Variants in MAD1L1 observed in about 807,000 individuals in gnomAD.
MAD1L1 encodes mitotic arrest deficient 1 like 1, also known as mitotic spindle assembly checkpoint protein MAD1.
A neutral mutation model predicts 96.9 loss-of-function variants in MAD1L1; 95 were observed. That is an observed-to-expected ratio of 0.98 (90% CI 0.83 to 1.16). The LOEUF is 1.16. Ranked by LOEUF, MAD1L1 falls within the 50% of genes most tolerant of loss-of-function variation. The probability of loss-of-function intolerance (pLI) is 0.00; values close to 1 mark genes in which losing one functional copy is unlikely to be tolerated. For synonymous variants in MAD1L1, 473 were observed against 396.6 expected (o/e 1.19, Z -2.29); for missense variants, 1,007 against 954.4 (o/e 1.06, Z -0.73).
At chr7:1,949,035 T>C (rs1779361897) in intron 16 of MAD1L1, among the ~76,000 whole-genome samples, 2 of 152,170 alleles carry the variant, frequency 1.3e-5, no homozygotes, top group Non-Finnish European at 2.9e-5. Context: ...CAGGACGCCA[T>C]GTGGGGCTTC....
chr7:1,997,441 C>A (rs1000200849), intron 14 of MAD1L1, among the ~76,000 whole-genome samples: 8 of 152,250 alleles, frequency 5.3e-5, no homozygotes, highest in Non-Finnish European at 1.2e-4. Flanking sequence ...CCAGACAGCA[C>A]CCACTGCCGA....
chr7:2,228,268 A>G (rs1794010823), intron 3 of MAD1L1, among the ~76,000 whole-genome samples: 1 of 152,008 alleles, frequency 6.6e-6, no homozygotes, highest in Non-Finnish European at 1.5e-5. Flanking sequence ...CACTAAAATC[A>G]CAGCATTTCA....
intron 4 of MAD1L1, among the ~76,000 whole-genome samples, chr7:2,224,463 C>A (rs1414143668): frequency 6.6e-6 from 1 of 152,210 alleles, no homozygotes; most frequent in African/African-American, 2.4e-5. Context: ...CCCAGCGGTG[C>A]CTCAGTCTCA....
chr7:2,047,873 ACAG>A (rs1205826226), intron 12 of MAD1L1, among the ~76,000 whole-genome samples: 1 of 152,112 alleles, frequency 6.6e-6, no homozygotes. Context: ...TCACGTGCAC[ACAG>A]CTCACCAGTA....
At chr7:1,974,103 A>G (rs781148134) in intron 15 of MAD1L1, among the ~76,000 whole-genome samples, 2 of 152,212 alleles carry the variant, frequency 1.3e-5, no homozygotes, top group Admixed American at 6.5e-5. Context: ...TAAGGCACGG[A>G]CAGGGTGCCC....
chr7:2,158,566 G>C (rs907675473), intron 10 of MAD1L1, among the ~76,000 whole-genome samples: 1 of 152,330 alleles, frequency 6.6e-6, no homozygotes, highest in South Asian at 2.1e-4. Flanking sequence ...TTTGCGAAAA[G>C]TATGCAGAAA....
intron 12 of MAD1L1, among the ~76,000 whole-genome samples, chr7:2,066,155 C>G (rs754213189): frequency 6.6e-6 from 1 of 152,252 alleles, no homozygotes; most frequent in Non-Finnish European, 1.5e-5. Flanking sequence ...ACTAAAATGT[C>G]AAGCACACAA....
At chr7:2,126,297 C>T (rs1411348561) in intron 11 of MAD1L1, among the ~76,000 whole-genome samples, 1 of 152,232 alleles carries the variant, frequency 6.6e-6, no homozygotes, top group Non-Finnish European at 1.5e-5. Context: ...AGGTTGAAGA[C>T]TCCACCTAGA....
chr7:2,101,008 G>T (rs1195575767), intron 11 of MAD1L1, among the ~76,000 whole-genome samples: 1 of 152,228 alleles, frequency 6.6e-6, no homozygotes, highest in Non-Finnish European at 1.5e-5. Context: ...CGTGTCAGGG[G>T]AAGAGAAAAA....
intron 11 of MAD1L1, among the ~76,000 whole-genome samples, chr7:2,108,184 G>A (rs1275619232): frequency 6.6e-6 from 1 of 152,180 alleles, no homozygotes; most frequent in Non-Finnish European, 1.5e-5. Flanking sequence ...AATTCCGGTG[G>A]GATTCATGTC....
intron 18 of MAD1L1, among the ~76,000 whole-genome samples, chr7:1,851,632 G>C (rs1056665629): frequency 6.6e-6 from 1 of 152,182 alleles, no homozygotes; most frequent in Non-Finnish European, 1.5e-5. Flanking sequence ...AAACTAGAAT[G>C]GAACAGTTAG....
intron 17 of MAD1L1, among the ~76,000 whole-genome samples, chr7:1,902,412 G>A (rs563257754): frequency 9.2e-5 from 14 of 152,320 alleles, no homozygotes; most frequent in Non-Finnish European, 1.5e-4. Context: ...TGTGACCCAC[G>A]GGGATAGGGA....
chr7:2,123,313 A>G (rs1409301052), intron 11 of MAD1L1, among the ~76,000 whole-genome samples: 4 of 150,686 alleles, frequency 2.7e-5, no homozygotes, highest in Non-Finnish European at 4.4e-5. Context: ...TCAAAAAAAA[A>G]AAAAAAAGCA....
At chr7:2,207,250 G>A (rs974383779) in intron 10 of MAD1L1, among the ~76,000 whole-genome samples, 31 of 152,174 alleles carry the variant, frequency 2.0e-4, no homozygotes, top group African/African-American at 7.5e-4. Context: ...ATATATATTT[G>A]GTCTTTCTGT....
intron 2 of MAD1L1, 194 bp downstream of exon 2, chr7:2,230,355 A>C (rs968187186): frequency 4.2e-5 from 20 of 475,784 alleles, no homozygotes; most frequent in Middle Eastern, 1.2e-3. Flanking sequence ...ATGCCACCAA[A>C]TCCCCACCAG....
chr7:2,205,084 C>CTTTTTTTTTTTTTT (rs56101356), intron 10 of MAD1L1, among the ~76,000 whole-genome samples: 3 of 103,862 alleles, frequency 2.9e-5, no homozygotes, highest in Non-Finnish European at 5.5e-5. Flanking sequence ...AGGATCTTTT[C>CTTTTTTTTTTTTTT]TTTTTTTTTT....
At chr7:1,974,316 C>A (rs1780534941) in intron 15 of MAD1L1, among the ~76,000 whole-genome samples, 1 of 152,212 alleles carries the variant, frequency 6.6e-6, no homozygotes, top group African/African-American at 2.4e-5. Flanking sequence ...GCTGGGACCA[C>A]CAAACGCTTA....
In MAD1L1 at chr7:2,161,797, A is replaced by AC. The variant is rs151316792; in HGVS notation, c.987-12560dup. Among the ~76,000 whole-genome samples the AC allele has an allele frequency of 9.2e-3, 1,324 of 144,536 alleles. 17 individuals carry two copies. The highest frequency in any genetic ancestry group is 0.033 in the African/African-American group (1,263 of 38,186). The allele number at this position is 144,536 out of a possible 152,430, so 94.8% of individuals were successfully genotyped here. A position where few individuals can be genotyped will look rare whatever the true frequency, so the allele number is the denominator to read the frequency against. ...TGAGGAGTGCCTCTGCCCCACCGCC[A>AC]CCCCGTCTGGGAGGTGAGGAGCATC... On this transcript the variant is annotated intron_variant, in intron 10 of 18. Transcript: ENST00000265854.
At chr7:2,163,431 T>A (rs529890241) in intron 10 of MAD1L1, among the ~76,000 whole-genome samples, 1 of 152,336 alleles carries the variant, frequency 6.6e-6, no homozygotes, top group African/African-American at 2.4e-5. Context: ...TGGAGTGCAG[T>A]GGCACAATCT....
Sources: allele counts gnomAD v4.1 joint callset (sites outside exome capture counted in the v4.1 genomes callset), GRCh38; gene constraint gnomAD v4.1.1; transcripts MANE v1.5; gene names NCBI Gene and HGNC (gene_info 2026-07-23, HGNC 2026-07-21).